CCDC148: variants seen among roughly 807,000 people sequenced by gnomAD.
CCDC148 encodes the protein coiled-coil domain containing 148.
A neutral mutation model predicts 85.7 loss-of-function variants in CCDC148; 89 were observed. That is an observed-to-expected ratio of 1.04 (90% CI 0.87 to 1.24). The LOEUF (loss-of-function observed/expected upper bound fraction) is 1.24. Ranked by LOEUF, CCDC148 falls within the 50% of genes most tolerant of loss-of-function variation. The probability of loss-of-function intolerance (pLI) is 0.00; values close to 1 mark genes in which losing one functional copy is unlikely to be tolerated. For synonymous variants in CCDC148, 230 were observed against 213.9 expected (o/e 1.08, Z -0.66); for missense variants, 692 against 671.7 (o/e 1.03, Z -0.33).
chr2:158,349,263 A>C (rs1683144333), intron 2 of CCDC148, among the ~76,000 whole-genome samples: 1 of 152,036 alleles, frequency 6.6e-6, no homozygotes, highest in Non-Finnish European at 1.5e-5. Context: ...ATATTGCCAG[A>C]GAAAAGTGCT....
chr2:158,341,616 A>C (rs1177800067), intron 3 of CCDC148, among the ~76,000 whole-genome samples: 1 of 125,714 alleles, frequency 8.0e-6, no homozygotes, highest in East Asian at 2.3e-4. Flanking sequence ...CACCTGGCCT[A>C]CATATTTTTA....
chr2:158,443,515 A>AAAAAAAAAGAAAAGAAAAGAAAAG (rs1553524472), intron 1 of CCDC148, among the ~76,000 whole-genome samples: 1 of 100,894 alleles, frequency 9.9e-6, no homozygotes. Flanking sequence ...AAAAAAAAAA[A>AAAAAAAAAGAAAAGAAAAGAAAAG]AAAAAAAAGA....
At chr2:158,249,664 T>A (rs1405692897) in intron 10 of CCDC148, among the ~76,000 whole-genome samples, 2 of 152,086 alleles carry the variant, frequency 1.3e-5, no homozygotes, top group East Asian at 1.9e-4. Context: ...ACAAAACAAA[T>A]CAATAACAAT....
chr2:158,415,401 A>G (rs917340529), intron 1 of CCDC148, among the ~76,000 whole-genome samples: 1 of 152,076 alleles, frequency 6.6e-6, no homozygotes, highest in African/African-American at 2.4e-5. Context: ...CCCTCCTCTA[A>G]CATTAAGGAT....
chr2:158,412,824 TATTTATTATTA>T (rs1686318128), intron 1 of CCDC148, among the ~76,000 whole-genome samples: 1 of 106,198 alleles, frequency 9.4e-6, no homozygotes, highest in African/African-American at 3.9e-5. Context: ...GCAATATAAG[TATTTATTATTA>T]TTATTATTAT....
intron 3 of CCDC148, among the ~76,000 whole-genome samples, chr2:158,342,956 CT>C (rs1290316328): frequency 2.0e-5 from 3 of 152,120 alleles, no homozygotes; most frequent in Admixed American, 6.5e-5. Flanking sequence ...AAAATTTTGT[CT>C]AGTTTTCTTA....
intron 1 of CCDC148, among the ~76,000 whole-genome samples, chr2:158,377,710 A>G (rs1684712728): frequency 6.6e-6 from 1 of 152,016 alleles, no homozygotes; most frequent in Non-Finnish European, 1.5e-5. Context: ...TGCTTGCTTC[A>G]TGTCTCTGTG....
At chr2:158,178,766 A>T in intron 12 of CCDC148, 113 bp downstream of exon 12, 1 of 725,996 alleles carries the variant, frequency 1.4e-6, no homozygotes, top group Non-Finnish European at 2.3e-6. Flanking sequence ...TGGAAAAGTT[A>T]AATTTTATAT....
At chr2:158,381,498 C>T (rs559799236) in intron 1 of CCDC148, among the ~76,000 whole-genome samples, 6 of 152,204 alleles carry the variant, frequency 3.9e-5, no homozygotes, top group South Asian at 2.1e-4. Flanking sequence ...GCAACCAGAG[C>T]GTTCACACAC....
intron 10 of CCDC148, among the ~76,000 whole-genome samples, chr2:158,223,973 T>C (rs910624943): frequency 6.6e-5 from 10 of 152,164 alleles, no homozygotes; most frequent in African/African-American, 2.2e-4. Context: ...GAATGGAGAA[T>C]GACTTTGACG....
chr2:158,389,546 G>A (rs958628084), intron 1 of CCDC148, among the ~76,000 whole-genome samples: 2 of 152,068 alleles, frequency 1.3e-5, no homozygotes, highest in Non-Finnish European at 2.9e-5. Flanking sequence ...TATCCATGTC[G>A]TCACAAACTA....
chr2:158,408,806 C>A (rs1686134383), intron 1 of CCDC148, among the ~76,000 whole-genome samples: 1 of 151,998 alleles, frequency 6.6e-6, no homozygotes, highest in African/African-American at 2.4e-5. Flanking sequence ...TACATCCCCA[C>A]CAATAATGTC....
intron 1 of CCDC148, among the ~76,000 whole-genome samples, chr2:158,420,573 A>G (rs553515285): frequency 6.6e-6 from 1 of 152,196 alleles, no homozygotes; most frequent in African/African-American, 2.4e-5. Context: ...GCCTTACAAG[A>G]GCTCCCAAAG....
chr2:158,217,339 T>TATATAC (rs1686921321), intron 11 of CCDC148, among the ~76,000 whole-genome samples: 1 of 27,294 alleles, frequency 3.7e-5, no homozygotes, highest in Admixed American at 3.0e-4. Context: ...ATTTTGTGTA[T>TATATAC]ATATATATAT....
In CCDC148 at chr2:158,242,450, C is replaced by T. The variant is rs117634620; in HGVS notation, c.1251+8322G>A. ...AATGCAAATAGCACACAGACACAAA[C>T]ACTGAAATGGAGAAAAAGTAATTTC... On this transcript the variant is annotated intron_variant, in intron 10 of 13. Transcript: ENST00000283233. 8.7e-4 allele frequency among the ~76,000 whole-genome samples: 132 copies of T among 152,242 alleles called. 1 individual carries two copies. The East Asian group carries it at 0.023, about 27-fold the overall frequency.
chr2:158,285,213 C>T (rs1370270477), intron 9 of CCDC148, among the ~76,000 whole-genome samples: 4 of 149,234 alleles, frequency 2.7e-5, no homozygotes, highest in Admixed American at 6.7e-5. Flanking sequence ...GCTTGAACCT[C>T]GGAGACAGAG....
chr2:158,218,624 C>T (rs1170314923), intron 11 of CCDC148, among the ~76,000 whole-genome samples: 1 of 152,148 alleles, frequency 6.6e-6, no homozygotes, highest in Non-Finnish European at 1.5e-5. Flanking sequence ...CTGTTTTCCC[C>T]ATTCCTTTTA....
chr2:158,358,639 A>C, intron 1 of CCDC148, 69 bp from the exon 2 acceptor site: 1 of 1,076,928 alleles, frequency 9.3e-7, no homozygotes, highest in East Asian at 3.0e-5. Flanking sequence ...AAATATAATT[A>C]GGGCAACATG....
At chr2:158,411,026 T>C (rs1054661450) in intron 1 of CCDC148, among the ~76,000 whole-genome samples, 4 of 152,174 alleles carry the variant, frequency 2.6e-5, no homozygotes, top group African/African-American at 7.2e-5. Flanking sequence ...CCATCGCACT[T>C]TTCTCTGAGC....
Sources: allele counts gnomAD v4.1 joint callset (sites outside exome capture counted in the v4.1 genomes callset), GRCh38; gene constraint gnomAD v4.1.1; transcripts MANE v1.5; gene names NCBI Gene and HGNC (gene_info 2026-07-23, HGNC 2026-07-21).